Variants in TCF4 observed in about 807,000 individuals in gnomAD.
The protein encoded by TCF4 is SL3-3 enhancer factor 2.
Under a neutral mutation model 82.1 loss-of-function variants are expected in TCF4, and 3 were observed. The observed-to-expected ratio is 0.04, with a 90% confidence interval of 0.02 to 0.09. The LOEUF (loss-of-function observed/expected upper bound fraction) is 0.09. Ranked by LOEUF, TCF4 falls within the 10% of genes least tolerant of loss-of-function variation. The pLI, the probability that TCF4 is intolerant of heterozygous loss-of-function variation, is 1.00. For synonymous variants in TCF4, 276 were observed against 309.6 expected (o/e 0.89, Z 1.14); for missense variants, 518 against 852.7 (o/e 0.61, Z 4.89).
At chr18:55,228,627 G>A (rs931394591) in intron 18 of TCF4, among the ~76,000 whole-genome samples, 1 of 152,214 alleles carries the variant, frequency 6.6e-6, no homozygotes, top group Non-Finnish European at 1.5e-5. Flanking sequence ...TATAGGGAAA[G>A]TTGCAATATA....
chr18:55,567,798 G>A (rs772691898), intron 3 of TCF4, among the ~76,000 whole-genome samples: 27 of 151,446 alleles, frequency 1.8e-4, no homozygotes, highest in Non-Finnish European at 3.2e-4. Context: ...TTCTTCTGAA[G>A]CACACAATGG....
At chr18:55,485,241 G>A (rs959328891) in intron 3 of TCF4, among the ~76,000 whole-genome samples, 2 of 152,188 alleles carry the variant, frequency 1.3e-5, no homozygotes, top group African/African-American at 4.8e-5. Context: ...GTAACGTAAT[G>A]TAAGACATTT....
intron 3 of TCF4, among the ~76,000 whole-genome samples, chr18:55,513,046 T>C (rs2096844269): frequency 6.6e-6 from 1 of 152,142 alleles, no homozygotes; most frequent in Admixed American, 6.5e-5. Flanking sequence ...TGAAATCCCC[T>C]GATAGAAGAT....
At chr18:55,576,969 G>C (rs1377706746) in intron 3 of TCF4, among the ~76,000 whole-genome samples, 4 of 151,094 alleles carry the variant, frequency 2.6e-5, no homozygotes, top group African/African-American at 9.7e-5. Flanking sequence ...GGACACCCCT[G>C]TGTTAGAATA....
intron 5 of TCF4, among the ~76,000 whole-genome samples, chr18:55,450,557 C>T (rs1004640683): frequency 1.3e-5 from 2 of 152,108 alleles, no homozygotes; most frequent in Non-Finnish European, 2.9e-5. Flanking sequence ...ATGTTTCCTT[C>T]GGATTCAAAA....
chr18:55,567,759 T>G (rs1399119132), intron 3 of TCF4, among the ~76,000 whole-genome samples: 1 of 151,074 alleles, frequency 6.6e-6, no homozygotes, highest in Non-Finnish European at 1.5e-5. Context: ...TCTGGACACA[T>G]ATAGATCCCT....
rs2083137063 is a variant in TCF4 at position 55,354,950 on chromosome 18, T to TG, written c.370-3948dup. On this transcript the variant is annotated intron_variant, in intron 6 of 19. Coordinates refer to ENST00000354452, the MANE Select transcript of TCF4 (RefSeq NM_001083962.2). ...TGATCCGGTATCAGACACAACATCT[T>TG]GGGGGGATGTTGCAGAACAGAGAAA... 5.3e-5 allele frequency among the ~76,000 whole-genome samples: 8 copies of TG among 152,162 alleles called. No homozygotes were observed. The South Asian group carries it at 1.7e-3, about 31-fold the overall frequency.
chr18:55,304,923 A>C (rs967070593), intron 8 of TCF4, among the ~76,000 whole-genome samples: 1 of 152,216 alleles, frequency 6.6e-6, no homozygotes, highest in Non-Finnish European at 1.5e-5. Flanking sequence ...ATGATAAACC[A>C]ATAATTGCAT....
At chr18:55,576,525 T>C (rs561320958) in intron 3 of TCF4, among the ~76,000 whole-genome samples, 10 of 152,140 alleles carry the variant, frequency 6.6e-5, no homozygotes, top group South Asian at 2.1e-4. Flanking sequence ...GAAACTTCTC[T>C]TTCTGGGAGC....
chr18:55,558,591 C>T (rs1603622937), intron 3 of TCF4, among the ~76,000 whole-genome samples: 1 of 152,304 alleles, frequency 6.6e-6, no homozygotes, highest in Middle Eastern at 3.4e-3. Context: ...TAGAGTCACA[C>T]ATCCTGATTA....
chr18:55,536,997 G>A (rs1477693544), intron 3 of TCF4, among the ~76,000 whole-genome samples: 4 of 152,082 alleles, frequency 2.6e-5, no homozygotes, highest in African/African-American at 9.7e-5. Flanking sequence ...AGCCGGGTGT[G>A]GTGGCGGGCG....
chr18:55,406,037 A>T (rs1161727178), intron 5 of TCF4, among the ~76,000 whole-genome samples: 1 of 151,854 alleles, frequency 6.6e-6, no homozygotes, highest in Non-Finnish European at 1.5e-5. Context: ...GAGTGTTTCC[A>T]TGACATCAAT....
At chr18:55,401,388 A>C (rs2093808410) in intron 6 of TCF4, 1 of 1,106,138 alleles carries the variant, frequency 9.0e-7, no homozygotes. Context: ...TTAAGAATGA[A>C]GGAATCTCCA....
intron 3 of TCF4, among the ~76,000 whole-genome samples, chr18:55,496,681 A>G (rs2096639494): frequency 2.0e-5 from 3 of 152,166 alleles, no homozygotes; most frequent in Non-Finnish European, 4.4e-5. Context: ...AATCTTTGTT[A>G]GCATATTACT....
At chr18:55,234,468 A>T (rs1329913598) in intron 16 of TCF4, 80 bp downstream of exon 16, 1 of 1,588,964 alleles carries the variant, frequency 6.3e-7, no homozygotes, top group East Asian at 2.2e-5. Context: ...TTCTTGAGGG[A>T]TGAACACCAA....
At chr18:55,467,783 C>T (rs558691546) in intron 3 of TCF4, among the ~76,000 whole-genome samples, 2 of 152,312 alleles carry the variant, frequency 1.3e-5, no homozygotes, top group South Asian at 2.1e-4. Context: ...TTTGTAACTG[C>T]TATTCCTTCT....
chr18:55,234,293 C>T lies in TCF4; in HGVS notation c.1486+255G>A, dbSNP rs1205012038. On this transcript the variant is annotated intron_variant, in intron 16 of 19. Coordinates refer to ENST00000354452, the MANE Select transcript of TCF4 (RefSeq NM_001083962.2). Reference sequence around the variant, plus strand: ...AAATAGCTAAAATAAAATTTCCTCTCATCAGTCTGTGGCCTCATTCCCTGC... The same window carrying T: ...AAATAGCTAAAATAAAATTTCCTCTTATCAGTCTGTGGCCTCATTCCCTGC... 4 of 586,748 alleles carry T rather than the reference C, an allele frequency of 6.8e-6. No individual in the cohort carries two copies. The African/African-American group carries it at 7.4e-5, about 11-fold the overall frequency. 36.3% of individuals were successfully genotyped at this position (586,748 alleles called of 1,614,324 possible).
chr18:55,325,592 T>C (rs2076413293), intron 8 of TCF4, among the ~76,000 whole-genome samples: 2 of 152,362 alleles, frequency 1.3e-5, no homozygotes, highest in South Asian at 2.1e-4. Flanking sequence ...AATGGTCATA[T>C]GGAAGGAATT....
chr18:55,452,186 C>T (rs1281722649), intron 5 of TCF4, among the ~76,000 whole-genome samples: 1 of 152,086 alleles, frequency 6.6e-6, no homozygotes, highest in Non-Finnish European at 1.5e-5. Flanking sequence ...TGAGACTGTT[C>T]AATAGGGTTG....
Sources: gnomAD v4.1 joint callset for allele counts (sites outside exome capture counted in the v4.1 genomes callset) on GRCh38, gnomAD v4.1.1 for gene constraint, MANE v1.5 for transcripts, NCBI Gene and HGNC (gene_info 2026-07-23, HGNC 2026-07-21) for gene names.